The following ATF1 variants were observed in gnomAD, a reference collection of about 807,000 sequenced individuals.
ATF1 encodes cyclic AMP-dependent transcription factor ATF-1.
ATF1 carries 16 observed loss-of-function variants against 34.7 expected under a neutral mutation model. The ratio of observed to expected loss-of-function variants is 0.46; its 90% CI spans 0.31 to 0.70. The LOEUF is 0.70. Ranked by LOEUF, ATF1 falls within the 30% of genes least tolerant of loss-of-function variation. ATF1 has a pLI of 0.05. For synonymous variants in ATF1, 105 were observed against 113.1 expected (o/e 0.93, Z 0.46); for missense variants, 255 against 321.6 (o/e 0.79, Z 1.58).
intron 1 of ATF1, among the ~76,000 whole-genome samples, chr12:50,768,358 G>A (rs141956171): frequency 4.2e-4 from 64 of 152,264 alleles, no homozygotes; most frequent in African/African-American, 1.5e-3. Flanking sequence ...AATACCAGCC[G>A]TTTGGCATAA....
At chr12:50,785,271 TTA>T (rs1299229926) in intron 2 of ATF1, among the ~76,000 whole-genome samples, 2 of 113,766 alleles carry the variant, frequency 1.8e-5, no homozygotes, top group Admixed American at 1.8e-4. Context: ...AAAAAAAAAA[TTA>T]TATATATACA....
At chr12:50,776,600 T>C (rs1320080811) in intron 1 of ATF1, among the ~76,000 whole-genome samples, 1 of 151,906 alleles carries the variant, frequency 6.6e-6, no homozygotes, top group Non-Finnish European at 1.5e-5. Context: ...TAAAGAAATA[T>C]GAAACAATGT....
intron 2 of ATF1, among the ~76,000 whole-genome samples, chr12:50,787,471 G>A (rs545099690): frequency 3.3e-5 from 5 of 152,236 alleles, no homozygotes; most frequent in South Asian, 4.1e-4. Flanking sequence ...GGTGGCTCAC[G>A]CCTGTAATCC....
chr12:50,799,798 G>T (rs1297595265), intron 3 of ATF1, among the ~76,000 whole-genome samples: 2 of 152,150 alleles, frequency 1.3e-5, no homozygotes, highest in Non-Finnish European at 2.9e-5. Flanking sequence ...TTATTCAATG[G>T]ATATTATCCA....
At chr12:50,802,731 G>A (rs1355829659) in intron 3 of ATF1, among the ~76,000 whole-genome samples, 1 of 151,030 alleles carries the variant, frequency 6.6e-6, no homozygotes, top group Non-Finnish European at 1.5e-5. Flanking sequence ...AATTAGCTGG[G>A]TGTGGTGGCC....
At chr12:50,766,135 C>T (rs888176675) in intron 1 of ATF1, among the ~76,000 whole-genome samples, 1 of 152,158 alleles carries the variant, frequency 6.6e-6, no homozygotes, top group Non-Finnish European at 1.5e-5. Flanking sequence ...CCTGACCCAA[C>T]GGCTACCTTT....
rs190531247 is a variant in ATF1 at position 50,787,918 on chromosome 12, A to G, written c.93+7680A>G. On this transcript the variant is annotated intron_variant, in intron 2 of 6. Coordinates refer to ENST00000262053, the MANE Select transcript of ATF1 (RefSeq NM_005171.5). The stretch of plus-strand genomic sequence containing the variant: ...TAGAGCATCCAAGAACTGTGGAATA[A>G]TATCTCTTTAACATAGGTGTAGTGT... 5.9e-4 allele frequency among the ~76,000 whole-genome samples: 90 copies of G among 152,320 alleles called. No individual in the cohort carries two copies. The East Asian group carries it at 0.017, about 28-fold the overall frequency.
intron 1 of ATF1, among the ~76,000 whole-genome samples, chr12:50,774,632 A>G (rs1193206215): frequency 6.6e-6 from 1 of 152,252 alleles, no homozygotes; most frequent in Non-Finnish European, 1.5e-5. Flanking sequence ...ATAGCTTTAA[A>G]AAAGTGAACA....
Position 50,819,782 on chromosome 12 carries a change from C to A in ATF1, c.*3C>A. The A allele has an allele frequency of 8.7e-6, 13 of 1,500,906 alleles. No homozygotes were observed. The highest frequency in any genetic ancestry group is 4.3e-5 in the Admixed American group (2 of 46,094). The allele number at this position is 1,500,906 out of a possible 1,614,324, so 93.0% of individuals were successfully genotyped here. A position where few individuals can be genotyped will look rare whatever the true frequency, so the allele number is the denominator to read the frequency against. ...TTTATTCCAATAAAAGTGTTTGATT[C>A]CTAAGAAAGAAAATATTTTTGTGGA... On this transcript the variant is annotated 3_prime_UTR_variant, in exon 7 of 7. Coordinates refer to ENST00000262053, the MANE Select transcript of ATF1 (RefSeq NM_005171.5).
intron 4 of ATF1, 106 bp downstream of exon 4, chr12:50,809,695 T>C: frequency 2.5e-6 from 3 of 1,209,532 alleles, no homozygotes; most frequent in Non-Finnish European, 3.4e-6. Context: ...TGATGATTAT[T>C]AAAGGATGTT....
At chr12:50,773,184 G>T (rs552315696) in intron 1 of ATF1, among the ~76,000 whole-genome samples, 1 of 152,260 alleles carries the variant, frequency 6.6e-6, no homozygotes, top group East Asian at 1.9e-4. Context: ...CATATGGGTT[G>T]ATTGCATGTC....
chr12:50,802,842 A>AG (rs1941538695), intron 3 of ATF1, among the ~76,000 whole-genome samples: 1 of 120,808 alleles, frequency 8.3e-6, no homozygotes, highest in South Asian at 2.9e-4. Context: ...ACTGTACTCC[A>AG]GCCTGGGTAT....
At chr12:50,787,077 C>T (rs1457267279) in intron 2 of ATF1, among the ~76,000 whole-genome samples, 2 of 152,228 alleles carry the variant, frequency 1.3e-5, no homozygotes, top group African/African-American at 4.8e-5. Context: ...GAATAGATGA[C>T]TCAACCCCTT....
intron 1 of ATF1, among the ~76,000 whole-genome samples, chr12:50,774,793 G>C (rs1371879838): frequency 2.0e-5 from 3 of 151,100 alleles, no homozygotes; most frequent in Middle Eastern, 3.4e-3. Flanking sequence ...TGTCGCCCAG[G>C]CTGGAGTCCA....
At chr12:50,785,053 G>A (rs1354753985) in intron 2 of ATF1, among the ~76,000 whole-genome samples, 3 of 112,138 alleles carry the variant, frequency 2.7e-5, no homozygotes, top group Admixed American at 9.5e-5. Context: ...CCCCCTCCCC[G>A]CTGGATGTGG....
intron 1 of ATF1, among the ~76,000 whole-genome samples, chr12:50,768,824 G>T (rs1348377680): frequency 1.3e-5 from 2 of 152,164 alleles, no homozygotes; most frequent in African/African-American, 4.8e-5. Context: ...TTTGTTAAAT[G>T]ATTTGAGGTC....
intron 3 of ATF1, among the ~76,000 whole-genome samples, chr12:50,805,329 C>G (rs56891235): frequency 6.6e-6 from 1 of 150,626 alleles, no homozygotes; most frequent in Non-Finnish European, 1.5e-5. Context: ...GCCGAGGTGG[C>G]CAGATTGCTT....
At chr12:50,806,639 G>A (rs1358159763) in intron 3 of ATF1, among the ~76,000 whole-genome samples, 2 of 151,946 alleles carry the variant, frequency 1.3e-5, no homozygotes, top group African/African-American at 4.8e-5. Context: ...GCATTCCACA[G>A]TCTCATGATA....
intron 4 of ATF1, among the ~76,000 whole-genome samples, chr12:50,811,073 C>CA (rs758518195): frequency 2.6e-5 from 4 of 152,160 alleles, no homozygotes; most frequent in Non-Finnish European, 2.9e-5. Context: ...TACTGTACCT[C>CA]AGACACACGA....
Sources: gnomAD v4.1 joint callset for allele counts (sites outside exome capture counted in the v4.1 genomes callset) on GRCh38, gnomAD v4.1.1 for gene constraint, MANE v1.5 for transcripts, NCBI Gene and HGNC (gene_info 2026-07-23, HGNC 2026-07-21) for gene names.